The following VRTN variants were observed in gnomAD, a reference collection of about 807,000 sequenced individuals.
VRTN encodes the protein vertebrae development associated.
VRTN carries 5 observed loss-of-function variants against 18.2 expected under a neutral mutation model. The observed-to-expected ratio is 0.27, with a 90% CI of 0.14 to 0.58. The LOEUF is 0.58. VRTN is among the 20% of genes least tolerant of loss of function. The pLI is 0.91. For missense variants in VRTN, 741 were observed against 939.4 expected (o/e 0.79, Z 2.76); for synonymous variants, 381 against 393.7 (o/e 0.97, Z 0.38).
intron 1 of VRTN, among the ~76,000 whole-genome samples, chr14:74,329,914 C>T (rs2085511175): frequency 6.7e-6 from 1 of 149,470 alleles, no homozygotes; most frequent in Non-Finnish European, 1.5e-5. Context: ...GCTGTATCAC[C>T]CAGGCTGGAG....
intron 1 of VRTN, among the ~76,000 whole-genome samples, chr14:74,334,735 A>G (rs754138559): frequency 1.3e-5 from 2 of 152,230 alleles, no homozygotes; most frequent in Non-Finnish European, 2.9e-5. Flanking sequence ...ACACAAATGT[A>G]GAAATGGAAA....
chr14:74,346,406 CTT>C (rs145248637), upstream of VRTN, among the ~76,000 whole-genome samples: 1 of 151,326 alleles, frequency 6.6e-6, no homozygotes, highest in South Asian at 2.1e-4. Flanking sequence ...CTTACCTACT[CTT>C]TTTTTTTCTT....
At chr14:74,356,665 C>A in intron 1 of VRTN, 118 bp from the exon 2 acceptor site, 1 of 1,355,928 alleles carries the variant, frequency 7.4e-7, no homozygotes, top group Non-Finnish European at 9.8e-7. Context: ...TGTGGGAGGA[C>A]GGGAGCAGAT....
chr14:74,313,734 A>G (rs1284264115), intron 1 of VRTN, among the ~76,000 whole-genome samples: 1 of 152,204 alleles, frequency 6.6e-6, no homozygotes, highest in Non-Finnish European at 1.5e-5. Context: ...TAATTCCAGC[A>G]CTTTGGTAAG....
chr14:74,303,842 G>GC (rs1567031977), intron 1 of VRTN, among the ~76,000 whole-genome samples: 1 of 120,870 alleles, frequency 8.3e-6, no homozygotes, highest in African/African-American at 4.0e-5. Flanking sequence ...GACAATTACA[G>GC]ATTTTTTTTT....
In VRTN at chr14:74,357,529, A is replaced by C. The variant is rs746440725; in HGVS notation, c.746A>C (p.Glu249Ala). ...PVVGLEEVEA[E>A]GAPGVAPALP... ...GTGGGGCTGGAAGAGGTGGAGGCTG[A>C]AGGTGCCCCTGGCGTGGCCCCAGCT... The change falls in exon 2 of 2, where the codon GAA (glutamate) becomes GCA (alanine). Residue 249 changes from glutamate to alanine, a missense_variant. By Grantham distance (107) the Glu-to-Ala change is moderately radical (BLOSUM62 -1). Transcript: ENST00000256362. This position sits in a 1 kb window ranked among gnomAD's most constrained non-coding sequence, Gnocchi z 7.8. 6.2e-7 allele frequency: 1 copy of C among 1,613,496 alleles called. No individual in the cohort carries two copies. The highest frequency in any genetic ancestry group is 1.7e-5 in the Admixed American group (1 of 60,014).
Position 74,358,266 on chromosome 14 carries a change from G to T in VRTN, c.1483G>T (p.Gly495Trp), listed in dbSNP as rs200392703. Reference sequence around the variant, plus strand: ...CACAGGTGAGGACCCTCCCGCCCCCGGGGAGCTCCTGCCACTAAGGATGCC... The same window carrying T: ...CACAGGTGAGGACCCTCCCGCCCCCTGGGAGCTCCTGCCACTAAGGATGCC... ...NATGEDPPAPGELLPLRMPLS... is the reference protein window; with the variant it reads ...NATGEDPPAPWELLPLRMPLS... Residue 495 changes from glycine to tryptophan, a missense_variant, in exon 2 of 2, where the codon GGG becomes TGG. Physicochemically the swap from Gly to Trp is radical, Grantham distance 184. This residue lies in a region of VRTN where 494 missense variants were observed against 546.5 expected (regional missense o/e 0.90). Transcript: ENST00000256362. This position sits in a 1 kb window ranked among gnomAD's most constrained non-coding sequence, Gnocchi z 5.4. 3.1e-6 allele frequency: 5 copies of T among 1,610,940 alleles called. No homozygotes were observed. The South Asian group carries it at 3.3e-5, about 11-fold the overall frequency.
chr14:74,348,231 C>T (rs553898094), upstream of VRTN, among the ~76,000 whole-genome samples: 1 of 152,228 alleles, frequency 6.6e-6, no homozygotes, highest in Non-Finnish European at 1.5e-5. Flanking sequence ...TCCCCTCCCC[C>T]CAAACTCTTT....
chr14:74,305,191 G>A (rs531985153), intron 1 of VRTN, among the ~76,000 whole-genome samples: 2 of 152,116 alleles, frequency 1.3e-5, no homozygotes, highest in Non-Finnish European at 2.9e-5. Flanking sequence ...AATTAGCCAG[G>A]TGTGGTGGCG....
At chr14:74,328,006 C>T (rs1177211626) in intron 1 of VRTN, among the ~76,000 whole-genome samples, 1 of 152,178 alleles carries the variant, frequency 6.6e-6, no homozygotes, top group East Asian at 1.9e-4. Context: ...CAGGCATGAG[C>T]CACTGCGCCT....
At chr14:74,350,207 A>G (rs889430027) in intron 1 of VRTN, among the ~76,000 whole-genome samples, 3 of 151,958 alleles carry the variant, frequency 2.0e-5, no homozygotes, top group African/African-American at 7.3e-5. Context: ...ACACGGCCCT[A>G]TTCTCTGGTG....
intron 1 of VRTN, among the ~76,000 whole-genome samples, chr14:74,334,580 T>C (rs1432826216): frequency 6.6e-6 from 1 of 152,182 alleles, no homozygotes; most frequent in East Asian, 1.9e-4. Flanking sequence ...TTTGTGACCC[T>C]GAGTCTGAGA....
chr14:74,309,849 GT>G (rs998594127), intron 1 of VRTN, among the ~76,000 whole-genome samples: 4 of 151,842 alleles, frequency 2.6e-5, no homozygotes, highest in East Asian at 1.9e-4. Context: ...ACAAATTGAT[GT>G]TTTTTTTAAA....
chr14:74,314,394 C>T (rs374929051), intron 1 of VRTN, among the ~76,000 whole-genome samples: 44 of 108,736 alleles, frequency 4.0e-4, no homozygotes, highest in Middle Eastern at 6.9e-3. Context: ...AAAAACTGTT[C>T]TTTTTTTTTT....
At chr14:74,332,372 T>G (rs1021253555) in intron 1 of VRTN, among the ~76,000 whole-genome samples, 16 of 119,584 alleles carry the variant, frequency 1.3e-4, no homozygotes, top group African/African-American at 5.6e-4. Context: ...TTTTTTTTTT[T>G]TTTTAGATGG....
At chr14:74,350,072 C>G (rs1385474983) in intron 1 of VRTN, among the ~76,000 whole-genome samples, 1 of 152,220 alleles carries the variant, frequency 6.6e-6, no homozygotes, top group East Asian at 1.9e-4. Flanking sequence ...TGGCAACCGG[C>G]TTGTCTGCTT....
In VRTN at chr14:74,358,694, T is replaced by G. The variant is rs2085757003; in HGVS notation, c.1911T>G (p.Asp637Glu). The part of the protein sequence containing the change: ...QPVVAAAGGR[D>E]GRMLVMDMIA... ...TGGTGGCAGCAGCGGGTGGCAGGGA[T>G]GGCCGGATGCTGGTGATGGACATGA... is the stretch of plus-strand genomic sequence containing the variant. Residue 637 changes from aspartate (D) to glutamate (E), a missense_variant, in exon 2 of 2, where the codon GAT (aspartate) becomes GAG (glutamate). Around this residue, in one of 3 missense-constraint regions of VRTN, gnomAD observed 61 missense variants for 104.6 expected, o/e 0.58. Coordinates refer to ENST00000256362, the MANE Select transcript of VRTN (RefSeq NM_018228.3). This position sits in a 1 kb window ranked among gnomAD's most constrained non-coding sequence, Gnocchi z 5.4. The G allele has an allele frequency of 6.2e-7, 1 of 1,613,894 alleles. No individual in the cohort carries two copies. Among genetic ancestry groups the G allele is most frequent in the Admixed American group, 1.7e-5 (1 of 60,000 alleles).
At chr14:74,328,407 A>G (rs757280353) in intron 1 of VRTN, among the ~76,000 whole-genome samples, 10 of 152,182 alleles carry the variant, frequency 6.6e-5, no homozygotes, top group Non-Finnish European at 1.0e-4. Flanking sequence ...TGCTGCCTTC[A>G]ATTACCCCAA....
chr14:74,326,854 G>T (rs2140199457), intron 1 of VRTN, among the ~76,000 whole-genome samples: 1 of 152,332 alleles, frequency 6.6e-6, no homozygotes, highest in East Asian at 1.9e-4. Context: ...TTCCCTGGAG[G>T]TTGAGGGGAG....
Sources: gnomAD v4.1 joint callset for allele counts (sites outside exome capture counted in the v4.1 genomes callset) on GRCh38, gnomAD v4.1.1 for gene constraint, gnomAD v4.1.1 regional missense constraint, Gnocchi (gnomAD v3.1) non-coding constraint, MANE v1.5 for transcripts, NCBI Gene and HGNC (gene_info 2026-07-23, HGNC 2026-07-21) for gene names.